Variants in CEP63 observed in about 807,000 individuals in gnomAD.
CEP63 encodes centrosomal protein of 63 kDa.
A neutral mutation model predicts 89.1 loss-of-function variants in CEP63; 84 were observed. The ratio of observed to expected loss-of-function variants is 0.94; its 90% CI spans 0.79 to 1.13. CEP63 has a LOEUF of 1.13. Among genes scored for constraint, CEP63 ranks in the 50% most tolerant of loss-of-function variants. The pLI is 0.00. For synonymous variants in CEP63, 267 were observed against 272.5 expected (o/e 0.98, Z 0.20); for missense variants, 838 against 813.3 (o/e 1.03, Z -0.37).
intron 10 of CEP63, among the ~76,000 whole-genome samples, 178 bp downstream of exon 10, chr3:134,549,354 C>T (rs1279802768): frequency 6.6e-6 from 1 of 152,138 alleles, no homozygotes; most frequent in Non-Finnish European, 1.5e-5. Flanking sequence ...CTTTCTTTGG[C>T]ATCGCCCCTG....
the CEP63 span, among the ~76,000 whole-genome samples, chr3:134,709,781 G>A: frequency 6.6e-6 from 1 of 152,308 alleles, no homozygotes; most frequent in South Asian, 2.1e-4. Flanking sequence ...GGCCAACAGA[G>A]CTGAGTTAGC....
the CEP63 span, among the ~76,000 whole-genome samples, chr3:134,611,043 G>A: frequency 2.0e-5 from 3 of 152,330 alleles, no homozygotes; most frequent in East Asian, 5.8e-4. Context: ...AGGTCTGACT[G>A]GTGGGTCTGT....
At chr3:134,651,231 G>T in the CEP63 span, 1 of 1,260,966 alleles carries the variant, frequency 7.9e-7, no homozygotes, top group Non-Finnish European at 1.0e-6. Flanking sequence ...CTGCACCGGG[G>T]CCATAGTCAG....
the CEP63 span, among the ~76,000 whole-genome samples, chr3:134,775,489 T>C: frequency 6.6e-6 from 1 of 152,214 alleles, no homozygotes; most frequent in Non-Finnish European, 1.5e-5. Flanking sequence ...GCAGTGCCCA[T>C]TTGGCCAAAG....
chr3:134,761,745 C>T, the CEP63 span, among the ~76,000 whole-genome samples: 1 of 152,102 alleles, frequency 6.6e-6, no homozygotes, highest in Non-Finnish European at 1.5e-5. Context: ...CTCTCTCTCT[C>T]TCTCTCCCCC....
At chr3:134,552,777 CTT>C (rs1361645028) in intron 12 of CEP63, 2 of 151,868 alleles carry the variant, frequency 1.3e-5, no homozygotes, top group East Asian at 3.9e-4. Context: ...ATTTTAGAAT[CTT>C]TTATATCCAA....
At chr3:134,669,490 GC>G in the CEP63 span, among the ~76,000 whole-genome samples, 1 of 152,204 alleles carries the variant, frequency 6.6e-6, no homozygotes, top group Non-Finnish European at 1.5e-5. Flanking sequence ...GGCCCAAGTT[GC>G]TTTTCAGCTG....
chr3:134,697,381 C>T, the CEP63 span, among the ~76,000 whole-genome samples: 6 of 152,290 alleles, frequency 3.9e-5, no homozygotes, highest in South Asian at 1.2e-3. Context: ...GACATACACA[C>T]ACTGCCCTCT....
the CEP63 span, chr3:134,650,851 G>T: frequency 6.2e-7 from 1 of 1,607,102 alleles, no homozygotes; most frequent in Non-Finnish European, 8.5e-7. Context: ...CAGCGAGCTC[G>T]GGTTCGCCTG....
chr3:134,532,394 T>G (rs114838915), intron 4 of CEP63, among the ~76,000 whole-genome samples: 42 of 152,314 alleles, frequency 2.8e-4, no homozygotes, highest in Non-Finnish European at 5.4e-4. Context: ...CTGATTTAAT[T>G]GCAAAGTACT....
the CEP63 span, among the ~76,000 whole-genome samples, chr3:134,680,062 G>T: frequency 6.6e-6 from 1 of 151,738 alleles, no homozygotes; most frequent in African/African-American, 2.4e-5. Flanking sequence ...TTAAGACACA[G>T]ACACACACAC....
At chr3:134,568,841 C>G (rs1577486939), downstream of CEP63, among the ~76,000 whole-genome samples, 1 of 152,280 alleles carries the variant, frequency 6.6e-6, no homozygotes, top group East Asian at 1.9e-4. Flanking sequence ...TTTTATTAGT[C>G]CATTTTCATG....
At chr3:134,771,651 A>T in the CEP63 span, among the ~76,000 whole-genome samples, 2 of 152,142 alleles carry the variant, frequency 1.3e-5, no homozygotes, top group Non-Finnish European at 1.5e-5. Context: ...GGGTGGTGGG[A>T]TAGGGGAGGG....
At chr3:134,565,229 G>C (rs1957701388), downstream of CEP63, among the ~76,000 whole-genome samples, 1 of 152,180 alleles carries the variant, frequency 6.6e-6, no homozygotes, top group South Asian at 2.1e-4. Flanking sequence ...TAGCTGAAGA[G>C]GGCAAAGTTG....
chr3:134,528,569 C>CGTGTGA (rs1553763958), intron 3 of CEP63, among the ~76,000 whole-genome samples: 5 of 147,024 alleles, frequency 3.4e-5, no homozygotes. Flanking sequence ...TGTGTGTGTG[C>CGTGTGA]GTGTGTGTGT....
At position 134,550,274 on chromosome 3, in the gene CEP63, A is replaced by G. The variant is rs1954510915; in HGVS notation, c.1380+14A>G. On this transcript the variant is annotated intron_variant, in intron 11 of 14. Coordinates refer to ENST00000675561, the MANE Select transcript of CEP63 (RefSeq NM_001353108.3). ...GTAGAGCATAAGGTGAAGCCTGAAC[A>G]AAACCTTTTTTAAATTTGAAATTTG... 3.1e-6 allele frequency: 5 copies of G among 1,611,992 alleles called. No individual in the cohort carries two copies. The highest frequency in any genetic ancestry group is 3.4e-6 in the Non-Finnish European group (4 of 1,178,444).
the CEP63 span, among the ~76,000 whole-genome samples, chr3:134,766,375 C>T: frequency 1.3e-5 from 2 of 152,222 alleles, no homozygotes; most frequent in African/African-American, 4.8e-5. Context: ...GAACCTTCCT[C>T]AGATTCTTAG....
intron 1 of CEP63, among the ~76,000 whole-genome samples, chr3:134,494,092 ATATTTATTTATT>A (rs56200311): frequency 4.1e-4 from 59 of 143,584 alleles, no homozygotes; most frequent in South Asian, 9.0e-4. Context: ...CCTTTATTTT[ATATTTATTTATT>A]TATTTATTTA....
At chr3:134,742,567 CTG>C in the CEP63 span, among the ~76,000 whole-genome samples, 1 of 152,198 alleles carries the variant, frequency 6.6e-6, no homozygotes, top group Non-Finnish European at 1.5e-5. Context: ...TCATGAGTAA[CTG>C]TAGACTGTGC....
Sources: allele counts gnomAD v4.1 joint callset (sites outside exome capture counted in the v4.1 genomes callset), GRCh38; gene constraint gnomAD v4.1.1; transcripts MANE v1.5; gene names NCBI Gene and HGNC (gene_info 2026-07-23, HGNC 2026-07-21).